PDE4D: variants seen among roughly 807,000 people sequenced by gnomAD.
PDE4D encodes phosphodiesterase 4D, also known as 3',5'-cyclic-AMP phosphodiesterase 4D.
Under a neutral mutation model 87.4 loss-of-function variants are expected in PDE4D, and 24 were observed. That is an observed-to-expected ratio of 0.27 (90% confidence interval 0.20 to 0.39). PDE4D has a LOEUF of 0.39. Among genes scored for constraint, PDE4D ranks in the 10% least tolerant of loss-of-function variants. The pLI, the probability that PDE4D is intolerant of heterozygous loss-of-function variation, is 1.00. For synonymous variants in PDE4D, 384 were observed against 383.2 expected (o/e 1.00, Z -0.02); for missense variants, 714 against 1,041.0 (o/e 0.69, Z 4.32).
At chr5:60,251,875 G>C (rs1170258907) in intron 1 of PDE4D, among the ~76,000 whole-genome samples, 1 of 151,928 alleles carries the variant, frequency 6.6e-6, no homozygotes, top group African/African-American at 2.4e-5. Flanking sequence ...CACTCACTCA[G>C]AGCAGCTTCT....
At chr5:60,109,954 A>G (rs570141608) in intron 2 of PDE4D, among the ~76,000 whole-genome samples, 1 of 152,182 alleles carries the variant, frequency 6.6e-6, no homozygotes, top group South Asian at 2.1e-4. Context: ...TGGCACATGT[A>G]TACATATGTA....
intron 1 of PDE4D, among the ~76,000 whole-genome samples, chr5:59,270,947 T>A (rs1581699431): frequency 6.6e-6 from 1 of 152,134 alleles, no homozygotes; most frequent in East Asian, 1.9e-4. Context: ...AATATTGTAA[T>A]AAGAACTAAA....
At chr5:59,651,449 G>C (rs7730695) in intron 1 of PDE4D, among the ~76,000 whole-genome samples, 54,028 of 151,226 alleles carry the variant, frequency 0.36, 10,032 homozygotes, top group Non-Finnish European at 0.39. Context: ...TTAACACCGA[G>C]TGAAAAAATA....
chr5:59,430,895 A>G (rs1008401153), intron 1 of PDE4D, among the ~76,000 whole-genome samples: 1 of 152,116 alleles, frequency 6.6e-6, no homozygotes, highest in Non-Finnish European at 1.5e-5. Flanking sequence ...TCGAAGAGGG[A>G]ATATTGTTCA....
chr5:59,463,606 T>G (rs997851337), intron 1 of PDE4D, among the ~76,000 whole-genome samples: 3 of 152,174 alleles, frequency 2.0e-5, no homozygotes, highest in South Asian at 4.1e-4. Context: ...TGATAATCAT[T>G]CTATTGTTTG....
intron 1 of PDE4D, among the ~76,000 whole-genome samples, chr5:59,463,778 A>G (rs1296129640): frequency 3.3e-5 from 5 of 152,188 alleles, no homozygotes; most frequent in African/African-American, 1.2e-4. Context: ...ATATTAAAAG[A>G]TCTCGGGTGT....
chr5:60,261,155 G>A (rs1287928111), intron 1 of PDE4D, among the ~76,000 whole-genome samples: 2 of 152,114 alleles, frequency 1.3e-5, no homozygotes, highest in African/African-American at 4.8e-5. Context: ...ATAGGAGAAG[G>A]TAAAAATTAC....
chr5:59,639,919 C>T (rs1317776962), intron 1 of PDE4D, among the ~76,000 whole-genome samples: 1 of 145,378 alleles, frequency 6.9e-6, no homozygotes, highest in African/African-American at 2.6e-5. Context: ...ATTTGATGTA[C>T]ATTTGATGTA....
intron 2 of PDE4D, among the ~76,000 whole-genome samples, chr5:60,089,600 TCAAA>T (rs1418442326): frequency 1.3e-5 from 2 of 151,442 alleles, no homozygotes; most frequent in African/African-American, 4.8e-5. Context: ...TAGAAAGACT[TCAAA>T]CAAACAACCT....
At chr5:60,160,151 TTTC>T (rs1269737114) in intron 2 of PDE4D, among the ~76,000 whole-genome samples, 1 of 152,214 alleles carries the variant, frequency 6.6e-6, no homozygotes, top group East Asian at 1.9e-4. Context: ...TTCTTATGAT[TTTC>T]TTAATAACAT....
At chr5:60,449,841 A>G (rs1745951799) in intron 1 of PDE4D, among the ~76,000 whole-genome samples, 1 of 151,282 alleles carries the variant, frequency 6.6e-6, no homozygotes. Flanking sequence ...TATGTAACTA[A>G]CCTGCACATT....
intron 1 of PDE4D, among the ~76,000 whole-genome samples, chr5:60,257,955 A>G (rs1206593278): frequency 1.3e-5 from 2 of 151,926 alleles, no homozygotes; most frequent in Non-Finnish European, 2.9e-5. Flanking sequence ...CATAAACCAA[A>G]TGTGCCCACA....
At chr5:60,131,962 G>C (rs1447198217) in intron 2 of PDE4D, among the ~76,000 whole-genome samples, 56 of 152,112 alleles carry the variant, frequency 3.7e-4, no homozygotes, top group Non-Finnish European at 1.5e-4. Flanking sequence ...AATTGACTTT[G>C]TTTTGCTTCA....
chr5:59,556,094 TA>T (rs1432772191), intron 1 of PDE4D, among the ~76,000 whole-genome samples: 1 of 152,120 alleles, frequency 6.6e-6, no homozygotes, highest in Non-Finnish European at 1.5e-5. Flanking sequence ...TGGTTAACAT[TA>T]AAAAATAAGC....
intron 2 of PDE4D, among the ~76,000 whole-genome samples, chr5:59,997,943 G>A (rs576012862): frequency 3.3e-5 from 5 of 152,326 alleles, no homozygotes; most frequent in Non-Finnish European, 4.4e-5. Flanking sequence ...ACTGTACAGA[G>A]GTTAGTTTGC....
At chr5:59,138,871 T>C (rs1344798885) in intron 5 of PDE4D, among the ~76,000 whole-genome samples, 5 of 152,184 alleles carry the variant, frequency 3.3e-5, no homozygotes, top group African/African-American at 1.2e-4. Context: ...AACCAACTAA[T>C]ATTATGACAT....
chr5:59,192,932 A>C (rs1744657193), intron 3 of PDE4D, among the ~76,000 whole-genome samples: 1 of 152,226 alleles, frequency 6.6e-6, no homozygotes, highest in South Asian at 2.1e-4. Flanking sequence ...TGGTCTATAC[A>C]TAGAACATCT....
At chr5:59,138,617 T>C (rs1193094743) in intron 5 of PDE4D, among the ~76,000 whole-genome samples, 1 of 152,220 alleles carries the variant, frequency 6.6e-6, no homozygotes, top group Non-Finnish European at 1.5e-5. Context: ...TCTCTTGCCT[T>C]CAACATTTTT....
chr5:59,679,879 T>C (rs1748718787), intron 1 of PDE4D, among the ~76,000 whole-genome samples: 1 of 152,112 alleles, frequency 6.6e-6, no homozygotes, highest in Non-Finnish European at 1.5e-5. Context: ...AAGACCCTAA[T>C]GAAAAGTCTT....
Sources: gnomAD v4.1 joint callset for allele counts (sites outside exome capture counted in the v4.1 genomes callset) on GRCh38, gnomAD v4.1.1 for gene constraint, MANE v1.5 for transcripts, NCBI Gene and HGNC (gene_info 2026-07-23, HGNC 2026-07-21) for gene names.